The following PRKCE variants were observed in gnomAD, a reference collection of about 807,000 sequenced individuals.
PRKCE encodes the protein protein kinase C epsilon type.
In PRKCE, 16 loss-of-function variants were observed where a neutral mutation model predicts 85.4. The ratio of observed to expected loss-of-function variants is 0.19; its 90% confidence interval spans 0.13 to 0.28. PRKCE has a LOEUF of 0.28. PRKCE is among the 10% of genes least tolerant of loss of function. The probability of loss-of-function intolerance (pLI) is 1.00; values close to 1 mark genes in which losing one functional copy is unlikely to be tolerated. For synonymous variants in PRKCE, 388 were observed against 371.5 expected (o/e 1.04, Z -0.51); for missense variants, 573 against 975.2 (o/e 0.59, Z 5.49).
At chr2:46,010,767 C>T (rs1407342066) in intron 10 of PRKCE, 2 of 1,597,246 alleles carry the variant, frequency 1.3e-6, no homozygotes, top group African/African-American at 2.7e-5. Context: ...TGGACAAAGC[C>T]AAATGGCTAA....
intron 10 of PRKCE, among the ~76,000 whole-genome samples, chr2:46,076,019 A>G (rs1246242228): frequency 6.6e-6 from 1 of 152,236 alleles, no homozygotes; most frequent in African/African-American, 2.4e-5. Context: ...GGAGGAAGCC[A>G]GCATACTGGA....
intron 11 of PRKCE, among the ~76,000 whole-genome samples, chr2:46,127,333 G>A (rs2104381944): frequency 6.6e-6 from 1 of 152,312 alleles, no homozygotes; most frequent in Middle Eastern, 3.4e-3. Context: ...TTTTGAAGCT[G>A]GAGTAGAAAC....
rs192290296 is a variant in PRKCE, at chr2:46,095,497, A to T, written c.1592+9135A>T. Among the ~76,000 whole-genome samples, 232 of 152,316 alleles carry T rather than the reference A, an allele frequency of 1.5e-3. 2 individuals carry two copies. The highest frequency in any genetic ancestry group is 2.7e-3 in the Non-Finnish European group (182 of 68,028). ...GTGCCAAGAAGAAAAGAGAATCTGG[A>T]TTTATAACTAGTTTTCAACCAAATC... is the stretch of plus-strand genomic sequence containing the variant. On this transcript the variant is annotated intron_variant, in intron 11 of 14. Transcript: ENST00000306156.
chr2:45,986,416 G>A (rs1050821234), intron 6 of PRKCE, among the ~76,000 whole-genome samples: 1 of 152,182 alleles, frequency 6.6e-6, no homozygotes, highest in Non-Finnish European at 1.5e-5. Context: ...CAGCAGGGAA[G>A]GGGAGGCGAG....
At chr2:45,661,748 C>T (rs1675672585) in intron 1 of PRKCE, among the ~76,000 whole-genome samples, 1 of 149,266 alleles carries the variant, frequency 6.7e-6, no homozygotes, top group Non-Finnish European at 1.5e-5. Context: ...ACCATGTTAG[C>T]CATGATGGTC....
chr2:45,719,239 C>T (rs189730175), intron 1 of PRKCE, among the ~76,000 whole-genome samples: 67 of 152,362 alleles, frequency 4.4e-4, no homozygotes, highest in African/African-American at 1.5e-3. Context: ...CCCCAGCCTC[C>T]GGCTTCTTGG....
intron 1 of PRKCE, among the ~76,000 whole-genome samples, chr2:45,727,834 T>C (rs551029209): frequency 1.3e-5 from 2 of 152,202 alleles, no homozygotes; most frequent in South Asian, 4.1e-4. Flanking sequence ...TTTGTATTTT[T>C]AGTAGAGACG....
In PRKCE at chr2:46,053,306, A is replaced by T. The variant is rs551473898; in HGVS notation, c.1438-32902A>T. On this transcript the variant is annotated intron_variant, in intron 10 of 14. Transcript: ENST00000306156. ...GTTATAAGGGAGCTTACTTTTTAAT[A>T]AAAAAAAGTTACTCCCCCCCGATTA... Among the ~76,000 whole-genome samples, 4 of 143,256 alleles carry T rather than the reference A, an allele frequency of 2.8e-5. No homozygotes were observed. In the South Asian group the frequency reaches 6.5e-4, roughly 23 times the overall value. 94.0% of individuals were successfully genotyped at this position (143,256 alleles called of 152,430 possible).
rs1025097571 is a variant in PRKCE at position 45,774,266 on chromosome 2, C to T, written c.349-68734C>T. ...CTCCCCTCTCTCAGCAGCTGCTTCACAGCCTCACGGGAGGTGATCGGACAC... is the reference window on the plus strand; with the variant it reads ...CTCCCCTCTCTCAGCAGCTGCTTCATAGCCTCACGGGAGGTGATCGGACAC... On this transcript the variant is annotated intron_variant, in intron 1 of 14. Coordinates refer to ENST00000306156, the MANE Select transcript of PRKCE (RefSeq NM_005400.3). The surrounding 1 kb of genome is among the most constrained non-coding windows in gnomAD (Gnocchi z 4.3). Among the ~76,000 whole-genome samples, 1 of 152,186 alleles carries T rather than the reference C, an allele frequency of 6.6e-6. No homozygotes were observed. The highest frequency in any genetic ancestry group is 1.5e-5 in the Non-Finnish European group (1 of 68,038).
chr2:45,883,900 G>A (rs1057322452), intron 2 of PRKCE, among the ~76,000 whole-genome samples: 1 of 152,154 alleles, frequency 6.6e-6, no homozygotes, highest in African/African-American at 2.4e-5. Flanking sequence ...AATCCTTGGA[G>A]CTTGCTTCCC....
intron 2 of PRKCE, among the ~76,000 whole-genome samples, chr2:45,958,814 ATATTTTTTTTTTTTTTTTTTTTTTTTT>A (rs1246412570): frequency 1.2e-4 from 3 of 25,456 alleles, no homozygotes; most frequent in African/African-American, 4.8e-4. Flanking sequence ...ATATATATAT[ATATTTTTTTTTTTTTTTTTTTTTTTTT>A]TTTTTTTTTT....
At chr2:46,142,274 A>G (rs956480184) in intron 11 of PRKCE, among the ~76,000 whole-genome samples, 3 of 152,192 alleles carry the variant, frequency 2.0e-5, no homozygotes, top group Admixed American at 2.0e-4. Context: ...GCCCAGTGCC[A>G]GGCAAGTTTA....
At chr2:46,180,943 G>A (rs868228158) in intron 14 of PRKCE, among the ~76,000 whole-genome samples, 11 of 152,202 alleles carry the variant, frequency 7.2e-5, no homozygotes, top group African/African-American at 2.7e-4. Flanking sequence ...GGATTAGGAA[G>A]GGACTGGCGA....
chr2:45,933,263 G>C (rs886666958), intron 2 of PRKCE, among the ~76,000 whole-genome samples: 4 of 152,248 alleles, frequency 2.6e-5, no homozygotes, highest in Admixed American at 2.6e-4. Context: ...CTTCTTGTCT[G>C]TGGCTTACCT....
intron 10 of PRKCE, among the ~76,000 whole-genome samples, chr2:46,060,830 C>T (rs1667044677): frequency 6.7e-6 from 1 of 149,620 alleles, no homozygotes; most frequent in Non-Finnish European, 1.5e-5. Flanking sequence ...GGCACGATAT[C>T]AGCTCATTGC....
chr2:45,953,106 C>T (rs1700734348), intron 2 of PRKCE, among the ~76,000 whole-genome samples: 2 of 152,248 alleles, frequency 1.3e-5, no homozygotes, highest in South Asian at 2.1e-4. Context: ...AGCATTTGCC[C>T]CGGATTACCT....
intron 10 of PRKCE, among the ~76,000 whole-genome samples, chr2:46,035,769 C>A (rs1707821281): frequency 6.6e-6 from 1 of 152,150 alleles, no homozygotes; most frequent in East Asian, 1.9e-4. Flanking sequence ...TGGAGGCAAA[C>A]AAGTTATAAC....
At chr2:46,033,127 C>T (rs1707642109) in intron 10 of PRKCE, among the ~76,000 whole-genome samples, 1 of 152,160 alleles carries the variant, frequency 6.6e-6, no homozygotes, top group Non-Finnish European at 1.5e-5. Context: ...GTAGTATTTA[C>T]AAAGATCAGT....
intron 10 of PRKCE, among the ~76,000 whole-genome samples, chr2:46,032,214 G>T (rs568582160): frequency 6.6e-6 from 1 of 151,866 alleles, no homozygotes; most frequent in Middle Eastern, 3.2e-3. Flanking sequence ...GTGCTTTTGC[G>T]ACAGGCAGGG....
Sources: allele counts gnomAD v4.1 joint callset (sites outside exome capture counted in the v4.1 genomes callset), GRCh38; gene constraint gnomAD v4.1.1; non-coding constraint Gnocchi (gnomAD v3.1); transcripts MANE v1.5; gene names NCBI Gene and HGNC (gene_info 2026-07-23, HGNC 2026-07-21).